The following CTNNA2 variants were observed in gnomAD, a reference collection of about 807,000 sequenced individuals.
CTNNA2 encodes the protein catenin alpha 2.
In CTNNA2, 42 loss-of-function variants were observed where a neutral mutation model predicts 101.0. The ratio of observed to expected loss-of-function variants is 0.42; its 90% CI spans 0.32 to 0.54. The LOEUF is 0.54. Among genes scored for constraint, CTNNA2 ranks in the 20% least tolerant of loss-of-function variants. The pLI is 0.14. For missense variants in CTNNA2, 871 were observed against 1,223.1 expected, an observed-to-expected ratio of 0.71 and a Z score of 4.29; for synonymous variants, 450 against 456.4, an observed-to-expected ratio of 0.99 and a Z score of 0.18.
At chr2:80,379,778 A>G (rs1676321460) in intron 7 of CTNNA2, among the ~76,000 whole-genome samples, 1 of 152,190 alleles carries the variant, frequency 6.6e-6, no homozygotes, top group South Asian at 2.1e-4. Context: ...GAAAATTTCC[A>G]TGCCCTACCC....
chr2:80,203,376 A>G (rs1456392930), intron 7 of CTNNA2, among the ~76,000 whole-genome samples: 1 of 152,232 alleles, frequency 6.6e-6, no homozygotes, highest in African/African-American at 2.4e-5. Flanking sequence ...CAAGTTAGTT[A>G]CTTCCTAGAT....
intron 2 of CTNNA2, among the ~76,000 whole-genome samples, chr2:79,666,409 A>G (rs1682420184): frequency 6.6e-6 from 1 of 152,206 alleles, no homozygotes; most frequent in Admixed American, 6.5e-5. Context: ...TTAATAGCAG[A>G]ATTTGTGATT....
chr2:79,399,126 A>G (rs1167086971), intron 4 of CTNNA2, among the ~76,000 whole-genome samples: 1 of 152,120 alleles, frequency 6.6e-6, no homozygotes, highest in Non-Finnish European at 1.5e-5. Flanking sequence ...AAACAGCCAT[A>G]CTAGAAGGGC....
intron 9 of CTNNA2, among the ~76,000 whole-genome samples, chr2:80,492,966 G>A (rs935810643): frequency 2.0e-5 from 3 of 152,136 alleles, no homozygotes; most frequent in Non-Finnish European, 4.4e-5. Flanking sequence ...CTCTCAGTAG[G>A]TTATTGGCTT....
intron 14 of CTNNA2, among the ~76,000 whole-genome samples, 191 bp downstream of exon 14, chr2:80,582,010 C>T (rs962575486): frequency 2.0e-5 from 3 of 152,126 alleles, no homozygotes; most frequent in Non-Finnish European, 2.9e-5. Flanking sequence ...GCTCCTGATT[C>T]CTCTAACTCC....
intron 2 of CTNNA2, among the ~76,000 whole-genome samples, chr2:79,683,458 A>G (rs762841040): frequency 6.6e-6 from 1 of 152,252 alleles, no homozygotes; most frequent in Non-Finnish European, 1.5e-5. Flanking sequence ...AGCTTGATGT[A>G]AGCACCAAAA....
At position 80,359,978 on chromosome 2, in the gene CTNNA2, T is replaced by C. The variant is rs370963916; in HGVS notation, c.1057-33233T>C. Among the ~76,000 whole-genome samples the C allele has an allele frequency of 1.6e-4, 24 of 152,318 alleles. 1 individual carries two copies. Among genetic ancestry groups the C allele is most frequent in the African/African-American group, 5.3e-4 (22 of 41,590 alleles). On this transcript the variant is annotated intron_variant, in intron 7 of 18. Coordinates refer to ENST00000402739, the MANE Select transcript of CTNNA2 (RefSeq NM_001282597.3). ...TTTAATCTGTCAGTAAATTTGGGGA[T>C]AACTAACATCTTAATGAAATTGAAT...
intron 7 of CTNNA2, among the ~76,000 whole-genome samples, chr2:79,968,848 A>G (rs1182888829): frequency 6.6e-6 from 1 of 151,334 alleles, no homozygotes; most frequent in African/African-American, 2.4e-5. Context: ...TTTTACTTTG[A>G]ATCCCTTCGT....
intron 2 of CTNNA2, among the ~76,000 whole-genome samples, chr2:79,701,364 C>T (rs568132822): frequency 3.3e-5 from 5 of 152,228 alleles, no homozygotes; most frequent in African/African-American, 1.2e-4. Flanking sequence ...TAAACGGGAC[C>T]TTGCAGAAAG....
At chr2:79,635,955 C>T (rs931358831) in intron 1 of CTNNA2, among the ~76,000 whole-genome samples, 7 of 151,424 alleles carry the variant, frequency 4.6e-5, no homozygotes, top group Non-Finnish European at 1.0e-4. Flanking sequence ...GGAAGGAGCG[C>T]TGAACTAAAG....
intron 7 of CTNNA2, among the ~76,000 whole-genome samples, chr2:80,089,979 G>T (rs780247190): frequency 6.6e-6 from 1 of 152,048 alleles, no homozygotes; most frequent in Non-Finnish European, 1.5e-5. Flanking sequence ...CCCAGTCAGG[G>T]TGTTAAAATG....
chr2:80,396,791 T>C (rs928812570), intron 8 of CTNNA2, among the ~76,000 whole-genome samples: 1 of 152,210 alleles, frequency 6.6e-6, no homozygotes, highest in Non-Finnish European at 1.5e-5. Flanking sequence ...ACTTAGCAAC[T>C]CTTTCACTCC....
At chr2:79,360,238 G>A (rs1168741904) in intron 3 of CTNNA2, among the ~76,000 whole-genome samples, 3 of 152,158 alleles carry the variant, frequency 2.0e-5, no homozygotes, top group African/African-American at 7.2e-5. Context: ...TTCAGAAGAA[G>A]AAAAGGTCAT....
chr2:79,531,546 A>G (rs1270806321), intron 1 of CTNNA2, among the ~76,000 whole-genome samples: 1 of 152,138 alleles, frequency 6.6e-6, no homozygotes, highest in Non-Finnish European at 1.5e-5. Flanking sequence ...GCCTGCAATA[A>G]TACACAGCAG....
chr2:80,512,476 A>G (rs1688783479), intron 9 of CTNNA2, among the ~76,000 whole-genome samples: 2 of 152,292 alleles, frequency 1.3e-5, no homozygotes, highest in Admixed American at 6.5e-5. Flanking sequence ...AATAGTTTGA[A>G]TGAGAGAAAA....
chr2:79,868,509 G>C (rs1402149178), intron 4 of CTNNA2, among the ~76,000 whole-genome samples: 1 of 152,254 alleles, frequency 6.6e-6, no homozygotes, highest in African/African-American at 2.4e-5. Flanking sequence ...ATAAGGAAGT[G>C]AAATTAGCCA....
At chr2:80,316,560 G>A (rs774761395) in intron 7 of CTNNA2, among the ~76,000 whole-genome samples, 2 of 152,082 alleles carry the variant, frequency 1.3e-5, no homozygotes, top group East Asian at 1.9e-4. Context: ...GGCATGTGCC[G>A]GCTGCTGGTC....
intron 18 of CTNNA2, among the ~76,000 whole-genome samples, chr2:80,623,038 C>A (rs1220093426): frequency 7.7e-6 from 1 of 130,418 alleles, no homozygotes; most frequent in African/African-American, 2.9e-5. Context: ...AGACTACTAG[C>A]GCTAGTTTCT....
At chr2:79,247,535 G>A (rs1674714974) in intron 2 of CTNNA2, among the ~76,000 whole-genome samples, 1 of 152,014 alleles carries the variant, frequency 6.6e-6, no homozygotes, top group Non-Finnish European at 1.5e-5. Flanking sequence ...TTTTTTGTCT[G>A]CAATTCTAGC....
Sources: allele counts gnomAD v4.1 joint callset (sites outside exome capture counted in the v4.1 genomes callset), GRCh38; gene constraint gnomAD v4.1.1; transcripts MANE v1.5; gene names NCBI Gene and HGNC (gene_info 2026-07-23, HGNC 2026-07-21).